The following SLC29A4 variants were observed in gnomAD, a reference collection of about 807,000 sequenced individuals.
SLC29A4 encodes the protein solute carrier family 29 member 4, also known as equilibrative nucleoside transporter 4.
In SLC29A4, 36 loss-of-function variants were observed where a neutral mutation model predicts 43.9. That is an observed-to-expected ratio of 0.82 (90% CI 0.63 to 1.08). The LOEUF (loss-of-function observed/expected upper bound fraction) is 1.08. Ranked by LOEUF, SLC29A4 falls within the 50% of genes least tolerant of loss-of-function variation. The probability of loss-of-function intolerance (pLI) is 0.00; values close to 1 mark genes in which losing one functional copy is unlikely to be tolerated. For missense variants in SLC29A4, 869 were observed against 755.3 expected (o/e 1.15, Z -1.77); for synonymous variants, 491 against 338.0 (o/e 1.45, Z -4.97).
chr7:5,300,951 G>A (rs1421361556), intron 10 of SLC29A4, among the ~76,000 whole-genome samples: 2 of 152,204 alleles, frequency 1.3e-5, no homozygotes, highest in Non-Finnish European at 2.9e-5. Context: ...CTGTGGGACT[G>A]ACTGTCCAGA....
At chr7:5,298,905 C>G in intron 7 of SLC29A4, 83 bp from the exon 8 acceptor site, 2 of 1,504,766 alleles carry the variant, frequency 1.3e-6, no homozygotes, top group Non-Finnish European at 1.8e-6. Context: ...CAGTGCGGCT[C>G]TTCTGATTGG....
chr7:5,294,456 T>C (rs1438724738), intron 5 of SLC29A4, among the ~76,000 whole-genome samples: 1 of 152,162 alleles, frequency 6.6e-6, no homozygotes, highest in Non-Finnish European at 1.5e-5. Context: ...TTCTCACTTT[T>C]GCTGCCTGTC....
At chr7:5,299,519 A>G in intron 9 of SLC29A4, 92 bp downstream of exon 9, 5 of 1,344,154 alleles carry the variant, frequency 3.7e-6, no homozygotes, top group Non-Finnish European at 5.1e-6. Flanking sequence ...TTCTGAGTGA[A>G]GGATGCATGT....
At chr7:5,295,575 G>T (rs998739099) in intron 6 of SLC29A4, among the ~76,000 whole-genome samples, 4 of 152,242 alleles carry the variant, frequency 2.6e-5, no homozygotes, top group African/African-American at 7.2e-5. Context: ...GGCACTGTGT[G>T]CGTGGAAGCC....
At chr7:5,299,208 G>T in intron 8 of SLC29A4, 32 bp from the exon 9 acceptor site, 2 of 1,600,172 alleles carry the variant, frequency 1.2e-6, no homozygotes, top group Non-Finnish European at 1.7e-6. Flanking sequence ...CCCCGTGGGC[G>T]CTGCCTCTGA....
chr7:5,297,045 G>T lies in SLC29A4; in HGVS notation c.729G>T (p.Leu243=). The T allele has an allele frequency of 6.2e-7, 1 of 1,607,502 alleles. No homozygotes were observed. The highest frequency in any genetic ancestry group is 8.5e-7 in the Non-Finnish European group (1 of 1,179,776). Reference sequence around the variant, plus strand: ...TCCTGGTGTCGGTGGCGCTGGAGCTGCTGTGTTTCCTGCTGCACCTGTTAG... The same window carrying T: ...TCCTGGTGTCGGTGGCGCTGGAGCTTCTGTGTTTCCTGCTGCACCTGTTAG... ...IFFLVSVALE[L]LCFLLHLLVR... The change falls in exon 7 of 11, where the codon CTG becomes CTT. Residue 243 remains leucine, a synonymous_variant. Coordinates refer to ENST00000396872, the MANE Select transcript of SLC29A4 (RefSeq NM_153247.4).
At chr7:5,299,511 C>G (rs566796145) in intron 9 of SLC29A4, 84 bp downstream of exon 9, 6 of 1,413,316 alleles carry the variant, frequency 4.2e-6, no homozygotes, top group African/African-American at 4.2e-5. Context: ...GGGAAGGGTT[C>G]TGAGTGAAGG....
intron 5 of SLC29A4, among the ~76,000 whole-genome samples, chr7:5,292,198 C>T (rs979593968): frequency 6.6e-6 from 1 of 152,140 alleles, no homozygotes; most frequent in Non-Finnish European, 1.5e-5. Flanking sequence ...GCAGCCTCAA[C>T]CTCCTGGACT....
chr7:5,291,049 G>A (rs1420044158), intron 3 of SLC29A4, 75 bp from the exon 4 acceptor site: 5 of 1,569,702 alleles, frequency 3.2e-6, no homozygotes, highest in Non-Finnish European at 4.4e-6. Flanking sequence ...GCCCCTTCTG[G>A]GAGGTCTCAC....
At chr7:5,283,236 C>T (rs1263577026) in intron 1 of SLC29A4, among the ~76,000 whole-genome samples, 154 bp downstream of exon 1, 1 of 150,712 alleles carries the variant, frequency 6.6e-6, no homozygotes, top group Admixed American at 6.6e-5. Context: ...GAGGCCACCC[C>T]GGCCGCGTCC....
chr7:5,296,582 C>T, intron 6 of SLC29A4, among the ~76,000 whole-genome samples: 1 of 10,298 alleles, frequency 9.7e-5, no homozygotes, highest in South Asian at 6.4e-3. Flanking sequence ...TGGGGTCAAG[C>T]TGAGTCGGGG....
intron 7 of SLC29A4, among the ~76,000 whole-genome samples, chr7:5,298,324 C>T (rs4632955): frequency 6.6e-6 from 1 of 152,004 alleles, no homozygotes; most frequent in African/African-American, 2.4e-5. Context: ...CCACAGGAAG[C>T]GTGTTGGGGC....
intron 8 of SLC29A4, 55 bp from the exon 9 acceptor site, chr7:5,299,185 G>A (rs753523016): frequency 2.8e-5 from 44 of 1,597,630 alleles, no homozygotes; most frequent in Non-Finnish European, 3.8e-5. Context: ...GGGTGGGGGA[G>A]GCAGGCAGGG....
chr7:5,306,191 CTTTTTTTTTTT>C lies in SLC29A4; in HGVS notation c.*3267_*3277del, dbSNP rs748971391. On this transcript the variant is annotated 3_prime_UTR_variant, in exon 11 of 11. Transcript: ENST00000396872. ...TTTCTCATGTAAATTTGTTCAATTT[CTTTTTTTTTTT>C]TTTTTTTTTTTTTTGAGACAATCTC... 1.4e-5 allele frequency: 1 copy of C among 71,124 alleles called. No homozygotes were observed. The highest frequency in any genetic ancestry group is 5.1e-4 in the South Asian group (1 of 1,954). The allele number at this position is 71,124 out of a possible 1,614,324, so 4.4% of individuals were successfully genotyped here.
intron 6 of SLC29A4, among the ~76,000 whole-genome samples, chr7:5,295,993 A>G (rs1397601536): frequency 2.0e-5 from 3 of 152,026 alleles, no homozygotes; most frequent in African/African-American, 4.8e-5. Flanking sequence ...GCAGTGGCGC[A>G]TGGTCACGCG....
Position 5,290,774 on chromosome 7 carries a change from A to G in SLC29A4, c.212A>G (p.Tyr71Cys), listed in dbSNP as rs1429217187. Residue 71 changes from tyrosine (Y) to cysteine (C), a missense_variant, in exon 3 of 11, where the codon TAC (tyrosine) becomes TGC (cysteine). Coordinates refer to ENST00000396872, the MANE Select transcript of SLC29A4 (RefSeq NM_153247.4). ...PVPDDRYHAI[Y>C]FAMLLAGVGF... is the part of the protein sequence containing the mutation. ...CCCGATGACCGTTATCACGCCATCTACTTTGCGATGCTGCTGGCTGGCGTG... is the reference window on the plus strand; with the variant it reads ...CCCGATGACCGTTATCACGCCATCTGCTTTGCGATGCTGCTGGCTGGCGTG... 6 of 1,613,856 alleles carry G rather than the reference A, an allele frequency of 3.7e-6. No homozygotes were observed. The highest frequency in any genetic ancestry group is 8.5e-7 in the Non-Finnish European group (1 of 1,179,918).
At chr7:5,299,168 A>G (rs1439936126) in intron 8 of SLC29A4, 42 bp downstream of exon 8, 1 of 1,599,886 alleles carries the variant, frequency 6.3e-7, no homozygotes, top group East Asian at 2.2e-5. Context: ...TCTGGCACCC[A>G]GGCAGGGGGT....
intron 9 of SLC29A4, 66 bp downstream of exon 9, chr7:5,299,493 G>C (rs1200149162): frequency 1.3e-6 from 2 of 1,523,784 alleles, no homozygotes; most frequent in African/African-American, 1.4e-5. Context: ...GGAGGCCCTG[G>C]CCTATCCGGG....
At position 5,290,052 on chromosome 7, in the gene SLC29A4, A is replaced by ATTTT. The variant is rs386409422; in HGVS notation, c.170-664_170-661dup. Among the ~76,000 whole-genome samples, 533 of 117,182 alleles carry ATTTT rather than the reference A, an allele frequency of 4.5e-3. 15 individuals are homozygous for ATTTT. Among genetic ancestry groups the ATTTT allele is most frequent in the Non-Finnish European group, 6.1e-3 (366 of 59,746 alleles). The allele number at this position is 117,182 out of a possible 152,430, so 76.9% of individuals were successfully genotyped here. On this transcript the variant is annotated intron_variant, in intron 2 of 10. Coordinates refer to ENST00000396872, the MANE Select transcript of SLC29A4 (RefSeq NM_153247.4). The stretch of plus-strand genomic sequence containing the variant: ...AGGCGTGCACCACCATGCCCAGCTA[A>ATTTT]TTTTTTTTTTTTTTTTTTTGAGACG...
Sources: allele counts gnomAD v4.1 joint callset (sites outside exome capture counted in the v4.1 genomes callset), GRCh38; gene constraint gnomAD v4.1.1; transcripts MANE v1.5; gene names NCBI Gene and HGNC (gene_info 2026-07-23, HGNC 2026-07-21).